Variants in TNPO3 observed in about 807,000 individuals in gnomAD.
The protein encoded by TNPO3 is transportin 3.
Under a neutral mutation model 122.8 loss-of-function variants are expected in TNPO3, and 65 were observed. That is an observed-to-expected ratio of 0.53 (90% CI 0.43 to 0.65). TNPO3 has a LOEUF of 0.65. Ranked by LOEUF, TNPO3 falls within the 30% of genes least tolerant of loss-of-function variation. The pLI is 0.00. For missense variants in TNPO3, 850 were observed against 1,136.7 expected (o/e 0.75, Z 3.63); for synonymous variants, 372 against 411.2 (o/e 0.90, Z 1.15).
In TNPO3 at chr7:129,019,764, C is replaced by T. The variant is rs148369097; in HGVS notation, c.121-1607G>A. Among the ~76,000 whole-genome samples, 238 of 152,172 alleles carry T rather than the reference C, an allele frequency of 1.6e-3. 2 individuals carry two copies. Among genetic ancestry groups the T allele is most frequent in the African/African-American group, 5.4e-3 (225 of 41,514 alleles). ...ATCTCAGCACTTTGGGAGACAGAGG[C>T]GGGCAGATCACCTAAGGTCAGGAGT... On this transcript the variant is annotated intron_variant, in intron 1 of 22. Coordinates refer to ENST00000265388, the MANE Select transcript of TNPO3 (RefSeq NM_012470.4).
chr7:129,037,636 G>C lies in TNPO3; in HGVS notation c.120+17015C>G, dbSNP rs111744789. Among the ~76,000 whole-genome samples, 1,054 of 152,220 alleles carry C rather than the reference G, an allele frequency of 6.9e-3. 14 individuals carry two copies. Among genetic ancestry groups the C allele is most frequent in the African/African-American group, 0.025 (1,018 of 41,530 alleles). On this transcript the variant is annotated intron_variant, in intron 1 of 22. Coordinates refer to ENST00000265388, the MANE Select transcript of TNPO3 (RefSeq NM_012470.4). ...TTGGTGGTGCAGTCCTGGAGGAGGGGAAGAGCCTCTGTTGCGAAAAAGCAC... is the reference window on the plus strand; with the variant it reads ...TTGGTGGTGCAGTCCTGGAGGAGGGCAAGAGCCTCTGTTGCGAAAAAGCAC...
At chr7:129,053,420 GGGA>G (rs1809040648) in intron 1 of TNPO3, among the ~76,000 whole-genome samples, 1 of 151,106 alleles carries the variant, frequency 6.6e-6, no homozygotes, top group African/African-American at 2.4e-5. Flanking sequence ...TCTTGAACCC[GGGA>G]GGAGGAGGTT....
At position 129,018,142 on chromosome 7, in the gene TNPO3, T is replaced by C; in HGVS notation, c.136A>G (p.Ile46Val). The C allele has an allele frequency of 6.2e-7, 1 of 1,614,102 alleles. No individual in the cohort carries two copies. Among genetic ancestry groups the C allele is most frequent in the Non-Finnish European group, 8.5e-7 (1 of 1,180,010 alleles). ...ELQRSVHAWE[I>V]SDQLLQIRQD... Reference sequence around the variant, plus strand: ...CGGATCTGTAACAACTGGTCTGAGATCTCCCATGCATGAACCTGAAAGCGT... The same window carrying C: ...CGGATCTGTAACAACTGGTCTGAGACCTCCCATGCATGAACCTGAAAGCGT... The change falls in exon 2 of 23, where the codon ATC (isoleucine) becomes GTC (valine). Residue 46 changes from isoleucine to valine, a missense_variant. By Grantham distance (29) the Ile-to-Val change is conservative (BLOSUM62 3). Transcript: ENST00000265388.
intron 10 of TNPO3, among the ~76,000 whole-genome samples, chr7:128,990,390 G>A (rs967132398): frequency 1.3e-5 from 2 of 152,218 alleles, no homozygotes; most frequent in African/African-American, 4.8e-5. Context: ...TTAAATTGGA[G>A]AGGCAGACAT....
intron 20 of TNPO3, among the ~76,000 whole-genome samples, chr7:128,967,961 T>G (rs181054603): frequency 8.5e-5 from 13 of 152,278 alleles, no homozygotes; most frequent in Admixed American, 7.8e-4. Flanking sequence ...TCTTTCTATG[T>G]TGCCCAGACT....
intron 5 of TNPO3, among the ~76,000 whole-genome samples, chr7:129,003,641 T>A (rs535603691): frequency 1.3e-5 from 2 of 152,144 alleles, no homozygotes; most frequent in South Asian, 4.2e-4. Flanking sequence ...GCTACTCCAG[T>A]CTGGACGACA....
At chr7:128,977,136 A>G (rs1270252462) in intron 16 of TNPO3, among the ~76,000 whole-genome samples, 1 of 152,234 alleles carries the variant, frequency 6.6e-6, no homozygotes, top group African/African-American at 2.4e-5. Context: ...TCCTGAGTTA[A>G]GGGATTTTTT....
At chr7:128,983,578 C>T (rs2150329886) in intron 13 of TNPO3, among the ~76,000 whole-genome samples, 1 of 152,226 alleles carries the variant, frequency 6.6e-6, no homozygotes, top group Middle Eastern at 3.4e-3. Context: ...CATCTATAGC[C>T]CATCAATCTT....
At chr7:128,985,967 A>C (rs1800098456) in intron 12 of TNPO3, among the ~76,000 whole-genome samples, 1 of 152,220 alleles carries the variant, frequency 6.6e-6, no homozygotes, top group Admixed American at 6.5e-5. Context: ...CAATCCTTTA[A>C]TATACCTCAA....
intron 1 of TNPO3, among the ~76,000 whole-genome samples, chr7:129,052,310 T>C (rs974741201): frequency 2.0e-4 from 30 of 152,188 alleles, no homozygotes; most frequent in Non-Finnish European, 5.9e-5. Context: ...AAACTAGCTA[T>C]GTCCCTTCGG....
chr7:128,966,253 T>C (rs1194503439), intron 21 of TNPO3, among the ~76,000 whole-genome samples: 1 of 152,234 alleles, frequency 6.6e-6, no homozygotes, highest in Non-Finnish European at 1.5e-5. Context: ...AAGCTTCTGT[T>C]AATTATTTAA....
At chr7:129,024,223 A>C (rs752603874) in intron 1 of TNPO3, among the ~76,000 whole-genome samples, 1 of 152,190 alleles carries the variant, frequency 6.6e-6, no homozygotes, top group Non-Finnish European at 1.5e-5. Flanking sequence ...ACTCTGCTGG[A>C]GAGAATGTGG....
intron 21 of TNPO3, among the ~76,000 whole-genome samples, chr7:128,966,524 A>G (rs1465311708): frequency 1.3e-5 from 2 of 152,210 alleles, no homozygotes; most frequent in Non-Finnish European, 2.9e-5. Flanking sequence ...CGGTGATTAC[A>G]TTTTAAAGGA....
At chr7:128,982,591 T>A (rs1051006320) in intron 13 of TNPO3, among the ~76,000 whole-genome samples, 29 of 152,180 alleles carry the variant, frequency 1.9e-4, no homozygotes, top group African/African-American at 6.8e-4. Flanking sequence ...AACAGTATCA[T>A]TTGATTTTTT....
At chr7:128,956,679 T>C (rs1224454428) in intron 22 of TNPO3, among the ~76,000 whole-genome samples, 2 of 152,168 alleles carry the variant, frequency 1.3e-5, no homozygotes, top group Non-Finnish European at 2.9e-5. Flanking sequence ...CTTCTGAAAG[T>C]GTTTTTTCCT....
At chr7:128,999,537 T>C (rs1474391122) in intron 7 of TNPO3, among the ~76,000 whole-genome samples, 3 of 151,934 alleles carry the variant, frequency 2.0e-5, no homozygotes, top group Non-Finnish European at 4.4e-5. Context: ...AGAGGATCCC[T>C]ACCATCCTTT....
chr7:129,017,065 G>A lies in TNPO3; in HGVS notation c.322-9C>T, dbSNP rs1431585359. ...GCTATTGCTAAAGCCAGCTGAATAA[G>A]AGAGATTAAATAAATGAAGACAGAT... On this transcript the variant is annotated splice_polypyrimidine_tract_variant and intron_variant, in intron 2 of 22. Coordinates refer to ENST00000265388, the MANE Select transcript of TNPO3 (RefSeq NM_012470.4). 6.2e-7 allele frequency: 1 copy of A among 1,609,310 alleles called. No individual in the cohort carries two copies. Among genetic ancestry groups the A allele is most frequent in the South Asian group, 1.1e-5 (1 of 91,046 alleles).
At chr7:129,039,588 T>C (rs1365502501) in intron 1 of TNPO3, among the ~76,000 whole-genome samples, 1 of 152,104 alleles carries the variant, frequency 6.6e-6, no homozygotes, top group Non-Finnish European at 1.5e-5. Context: ...AGAGTTATCA[T>C]ATAATCCAAA....
intron 1 of TNPO3, among the ~76,000 whole-genome samples, chr7:129,035,767 CT>C (rs1252286271): frequency 6.6e-6 from 1 of 152,116 alleles, no homozygotes; most frequent in East Asian, 1.9e-4. Flanking sequence ...TATGTGACTC[CT>C]GATGTGATTG....
Sources: gnomAD v4.1 joint callset for allele counts (sites outside exome capture counted in the v4.1 genomes callset) on GRCh38, gnomAD v4.1.1 for gene constraint, MANE v1.5 for transcripts, NCBI Gene and HGNC (gene_info 2026-07-23, HGNC 2026-07-21) for gene names.